Variants in TAF4B observed in about 807,000 individuals in gnomAD.
TAF4B encodes the protein transcription initiation factor TFIID subunit 4B.
TAF4B carries 38 observed loss-of-function variants against 86.4 expected under a neutral mutation model. The ratio of observed to expected loss-of-function variants is 0.44; its 90% CI spans 0.34 to 0.58. TAF4B has a LOEUF of 0.58. Among genes scored for constraint, TAF4B ranks in the 20% least tolerant of loss-of-function variants. The pLI is 0.02. For missense variants in TAF4B, 988 were observed against 1,027.6 expected (o/e 0.96, Z 0.53); for synonymous variants, 388 against 391.2 (o/e 0.99, Z 0.10).
At chr18:26,346,092 C>T (rs77438083) in intron 13 of TAF4B, among the ~76,000 whole-genome samples, 11,506 of 152,170 alleles carry the variant, frequency 0.076, 537 homozygotes, top group Non-Finnish European at 0.1. Flanking sequence ...CCTCAGCCTC[C>T]TGAGTATCTG....
chr18:26,318,430 A>G (rs2056932767), intron 10 of TAF4B, among the ~76,000 whole-genome samples: 1 of 152,106 alleles, frequency 6.6e-6, no homozygotes, highest in African/African-American at 2.4e-5. Context: ...CATTTATAAT[A>G]AAATTCCTTC....
Position 26,286,194 on chromosome 18 carries a change from G to C in TAF4B, c.1285G>C (p.Gly429Arg), listed in dbSNP as rs1050675211. Residue 429 changes from glycine to arginine, a missense_variant, in exon 7 of 15, where the codon GGT becomes CGT. Physicochemically the swap from Gly to Arg is moderately radical, Grantham distance 125 (BLOSUM62 -2). This residue lies in a region of TAF4B where 747 missense variants were observed against 737.9 expected (regional missense o/e 1.01). Transcript: ENST00000269142. The stretch of plus-strand genomic sequence containing the variant: ...AACAGGAGGAACAACAGCTGGAACT[G>C]GTTTGCTTCAGACTTCAAAACCACT... ...AATGGTTAGT[G>R]LLQTSKPLVT... 1.2e-6 allele frequency: 2 copies of C among 1,614,196 alleles called. No homozygotes were observed.
chr18:26,356,894 C>T (rs1265707047), intron 13 of TAF4B, among the ~76,000 whole-genome samples: 1 of 151,128 alleles, frequency 6.6e-6, no homozygotes, highest in Non-Finnish European at 1.5e-5. Context: ...CATGCATACC[C>T]CTGTATAGTT....
intron 9 of TAF4B, among the ~76,000 whole-genome samples, chr18:26,300,692 A>G (rs2056722011): frequency 6.6e-6 from 1 of 152,102 alleles, no homozygotes; most frequent in Non-Finnish European, 1.5e-5. Flanking sequence ...TGGGAGAAAA[A>G]TACGTATTAT....
At position 26,350,080 on chromosome 18, in the gene TAF4B, G is replaced by T. The variant is rs532589592; in HGVS notation, c.2317-7610G>T. 2.0e-5 allele frequency among the ~76,000 whole-genome samples: 3 copies of T among 152,216 alleles called. No individual in the cohort carries two copies. The East Asian group carries it at 5.8e-4, about 29-fold the overall frequency. On this transcript the variant is annotated intron_variant, in intron 13 of 14. Coordinates refer to ENST00000269142, the MANE Select transcript of TAF4B (RefSeq NM_005640.3). ...AGTCAAATGGTTCAGAGATCTAAGT[G>T]TAAAACCTGAAACTATAAAGCTACT...
chr18:26,335,110 T>C, intron 12 of TAF4B, 65 bp from the exon 13 acceptor site: 1 of 1,149,480 alleles, frequency 8.7e-7, no homozygotes, highest in Non-Finnish European at 1.3e-6. Flanking sequence ...TTATTAAATA[T>C]TTAATGGCAA....
chr18:26,322,134 G>GGTAT (rs1414771909), intron 11 of TAF4B, among the ~76,000 whole-genome samples: 4 of 152,050 alleles, frequency 2.6e-5, no homozygotes, highest in South Asian at 2.1e-4. Context: ...TGAACAAGAT[G>GGTAT]GTATGTAGGT....
intron 7 of TAF4B, among the ~76,000 whole-genome samples, chr18:26,289,368 A>G (rs967717019): frequency 2.0e-5 from 3 of 152,260 alleles, no homozygotes; most frequent in African/African-American, 7.2e-5. Context: ...TCTGGGGTTC[A>G]TCTAACTCCA....
intron 9 of TAF4B, among the ~76,000 whole-genome samples, chr18:26,314,856 A>G (rs1191511473): frequency 6.6e-6 from 1 of 152,124 alleles, no homozygotes; most frequent in Admixed American, 6.5e-5. Context: ...TGTAACTCCA[A>G]ATGCCTCTTG....
chr18:26,244,260 C>T (rs933310068), intron 1 of TAF4B, among the ~76,000 whole-genome samples: 1 of 152,236 alleles, frequency 6.6e-6, no homozygotes, highest in African/African-American at 2.4e-5. Flanking sequence ...TTTACCTATT[C>T]AAGCCTCCGC....
At chr18:26,327,640 G>A (rs1210902043) in intron 12 of TAF4B, among the ~76,000 whole-genome samples, 1 of 152,164 alleles carries the variant, frequency 6.6e-6, no homozygotes, top group Non-Finnish European at 1.5e-5. Flanking sequence ...GCATGATCTC[G>A]GCTTACTGCA....
chr18:26,262,954 A>T lies in TAF4B; in HGVS notation c.344-2216A>T, dbSNP rs534897748. ...TGACACAAAAGACTTTTTTTTTTTT[A>T]AAAGATTTTATTTAGAGACAGTGTT... On this transcript the variant is annotated intron_variant, in intron 1 of 14. Coordinates refer to ENST00000269142, the MANE Select transcript of TAF4B (RefSeq NM_005640.3). 3.3e-3 allele frequency among the ~76,000 whole-genome samples: 500 copies of T among 149,962 alleles called. 3 individuals carry two copies. Among genetic ancestry groups the T allele is most frequent in the African/African-American group, 9.8e-3 (401 of 40,854 alleles).
intron 1 of TAF4B, among the ~76,000 whole-genome samples, chr18:26,250,708 T>C (rs1260895983): frequency 1.3e-5 from 2 of 152,148 alleles, no homozygotes; most frequent in African/African-American, 2.4e-5. Flanking sequence ...GTGGGTTTAG[T>C]TTTTGTCTAA....
chr18:26,346,877 G>GTGTGTGTGTA (rs1391442304), intron 13 of TAF4B, among the ~76,000 whole-genome samples: 4 of 6,604 alleles, frequency 6.1e-4, no homozygotes, highest in East Asian at 0.017. Flanking sequence ...ATATATATGT[G>GTGTGTGTGTA]TATATATATA....
chr18:26,271,360 A>G (rs1368392431), intron 3 of TAF4B, among the ~76,000 whole-genome samples: 1 of 152,366 alleles, frequency 6.6e-6, no homozygotes, highest in East Asian at 1.9e-4. Flanking sequence ...TAGTATTTCT[A>G]ATTAAATGTG....
intron 1 of TAF4B, among the ~76,000 whole-genome samples, chr18:26,239,669 A>G (rs1004191204): frequency 4.6e-5 from 7 of 152,220 alleles, no homozygotes; most frequent in South Asian, 2.1e-4. Context: ...GCCCATGCCT[A>G]TGTCCTGAAT....
At chr18:26,304,689 GC>G (rs1197881139) in intron 9 of TAF4B, 1 of 983,468 alleles carries the variant, frequency 1.0e-6, no homozygotes, top group Admixed American at 6.2e-5. Context: ...ACTAGTGCTA[GC>G]CACAGTCATT....
At chr18:26,355,957 C>T (rs2057285665) in intron 13 of TAF4B, among the ~76,000 whole-genome samples, 1 of 152,178 alleles carries the variant, frequency 6.6e-6, no homozygotes, top group African/African-American at 2.4e-5. Context: ...AAAAGGATTT[C>T]TGTCCTATAA....
At chr18:26,363,661 T>C (rs770215176) in intron 14 of TAF4B, among the ~76,000 whole-genome samples, 9 of 152,250 alleles carry the variant, frequency 5.9e-5, no homozygotes, top group Non-Finnish European at 1.0e-4. Context: ...TTTATTCACT[T>C]GCTTTATTTC....
Sources: gnomAD v4.1 joint callset for allele counts (sites outside exome capture counted in the v4.1 genomes callset) on GRCh38, gnomAD v4.1.1 for gene constraint, gnomAD v4.1.1 regional missense constraint, MANE v1.5 for transcripts, NCBI Gene and HGNC (gene_info 2026-07-23, HGNC 2026-07-21) for gene names.